Variants in NRXN3 observed in about 807,000 individuals in gnomAD.
The protein encoded by NRXN3 is neurexin 3, also known as neurexin III.
A neutral mutation model predicts 137.6 loss-of-function variants in NRXN3; 32 were observed. That is an observed-to-expected ratio of 0.23 (90% CI 0.18 to 0.31). The LOEUF (loss-of-function observed/expected upper bound fraction) is 0.31. Among genes scored for constraint, NRXN3 ranks in the 10% least tolerant of loss-of-function variants. The pLI is 1.00. For synonymous variants in NRXN3, 798 were observed against 784.5 expected, an observed-to-expected ratio of 1.02 and a Z score of -0.29; for missense variants, 1,574 against 2,062.5, an observed-to-expected ratio of 0.76 and a Z score of 4.59.
chr14:78,907,727 A>G (rs1259554872), intron 10 of NRXN3, among the ~76,000 whole-genome samples: 1 of 151,996 alleles, frequency 6.6e-6, no homozygotes, highest in Non-Finnish European at 1.5e-5. Flanking sequence ...TGTACCGATT[A>G]TTTTATCACC....
chr14:78,184,422 C>G (rs1176341953), intron 1 of NRXN3, among the ~76,000 whole-genome samples: 1 of 152,150 alleles, frequency 6.6e-6, no homozygotes, highest in Non-Finnish European at 1.5e-5. Flanking sequence ...TTTGGCATCT[C>G]AAGTCTTATG....
chr14:79,167,952 T>A (rs1265401495), intron 15 of NRXN3, among the ~76,000 whole-genome samples: 1 of 150,556 alleles, frequency 6.6e-6, no homozygotes, highest in Non-Finnish European at 1.5e-5. Context: ...TTTTTTTTTT[T>A]ACCTTCAGGA....
At chr14:79,069,699 A>C (rs770849583) in intron 15 of NRXN3, among the ~76,000 whole-genome samples, 47 of 152,290 alleles carry the variant, frequency 3.1e-4, no homozygotes, top group Admixed American at 1.3e-3. Flanking sequence ...TTGAGTCTCA[A>C]GATCTGGCCC....
At chr14:78,207,961 C>T (rs2062374307) in intron 1 of NRXN3, among the ~76,000 whole-genome samples, 1 of 152,182 alleles carries the variant, frequency 6.6e-6, no homozygotes, top group African/African-American at 2.4e-5. Context: ...TGTAAAATCT[C>T]ATTAATGTAG....
chr14:78,598,516 G>A (rs899719221), intron 4 of NRXN3, among the ~76,000 whole-genome samples: 2 of 152,254 alleles, frequency 1.3e-5, no homozygotes, highest in African/African-American at 4.8e-5. Context: ...GCGGTCGCAT[G>A]TCCATGTTTT....
At chr14:79,491,094 G>GT (rs1235896879) in intron 16 of NRXN3, among the ~76,000 whole-genome samples, 2 of 152,260 alleles carry the variant, frequency 1.3e-5, no homozygotes, top group African/African-American at 2.4e-5. Flanking sequence ...GTTTTGTTCT[G>GT]TTTTTTCTCT....
chr14:78,856,448 A>C (rs1201803247), intron 10 of NRXN3, among the ~76,000 whole-genome samples: 1 of 152,194 alleles, frequency 6.6e-6, no homozygotes, highest in Non-Finnish European at 1.5e-5. Context: ...TCTGGATTCT[A>C]AAATGTATAT....
intron 10 of NRXN3, among the ~76,000 whole-genome samples, chr14:78,901,654 A>T (rs2099196859): frequency 6.6e-6 from 1 of 151,988 alleles, no homozygotes; most frequent in African/African-American, 2.4e-5. Flanking sequence ...CAAACAAATT[A>T]ATTGTGTTAA....
intron 4 of NRXN3, among the ~76,000 whole-genome samples, chr14:78,534,346 G>A (rs947488837): frequency 1.5e-4 from 23 of 152,170 alleles, no homozygotes; most frequent in African/African-American, 4.8e-4. Flanking sequence ...GTAAGGAAGT[G>A]TCAATCACAG....
rs192857574 is a variant in NRXN3, at chr14:79,085,391, G to A, written c.3262+97250G>A. On this transcript the variant is annotated intron_variant, in intron 15 of 20. Coordinates refer to ENST00000335750, the MANE Select transcript of NRXN3 (RefSeq NM_001330195.2). ...TACTTTGATTAAAATCACTATTAAA[G>A]CTATTTGAATTATATTATAATTTTC... Among the ~76,000 whole-genome samples the A allele has an allele frequency of 8.7e-4, 132 of 152,130 alleles. 2 individuals are homozygous for A. Among genetic ancestry groups the A allele is most frequent in the African/African-American group, 3.1e-3 (129 of 41,502 alleles).
At chr14:78,794,144 G>A (rs2153058859) in intron 8 of NRXN3, among the ~76,000 whole-genome samples, 1 of 152,266 alleles carries the variant, frequency 6.6e-6, no homozygotes, top group African/African-American at 2.4e-5. Context: ...ACTTTGGGAG[G>A]CCGAGGCGGG....
At chr14:78,776,408 G>C (rs542825977) in intron 8 of NRXN3, among the ~76,000 whole-genome samples, 2 of 151,954 alleles carry the variant, frequency 1.3e-5, no homozygotes, top group African/African-American at 4.8e-5. Flanking sequence ...AAATGGTCTC[G>C]TAATTTTGTA....
At chr14:78,529,216 C>T (rs967543914) in intron 4 of NRXN3, among the ~76,000 whole-genome samples, 2 of 152,132 alleles carry the variant, frequency 1.3e-5, no homozygotes, top group African/African-American at 4.8e-5. Context: ...ACTCACCCAG[C>T]AAGTAGAAAT....
chr14:79,367,358 G>A (rs1231143058), intron 15 of NRXN3, among the ~76,000 whole-genome samples: 1 of 152,170 alleles, frequency 6.6e-6, no homozygotes, highest in African/African-American at 2.4e-5. Flanking sequence ...TTGGATGCAT[G>A]GCAGGCTGAA....
At chr14:78,879,676 G>A (rs1023586553) in intron 10 of NRXN3, among the ~76,000 whole-genome samples, 3 of 152,160 alleles carry the variant, frequency 2.0e-5, no homozygotes, top group Non-Finnish European at 4.4e-5. Context: ...TCTTGTGAAA[G>A]CTTAATTCCC....
chr14:78,902,220 C>G (rs998314726), intron 10 of NRXN3, among the ~76,000 whole-genome samples: 1 of 152,068 alleles, frequency 6.6e-6, no homozygotes, highest in African/African-American at 2.4e-5. Context: ...CGAGCGCCCC[C>G]TGATGGCAAC....
intron 15 of NRXN3, among the ~76,000 whole-genome samples, chr14:79,266,310 T>C (rs1179785234): frequency 6.6e-6 from 1 of 152,174 alleles, no homozygotes; most frequent in Non-Finnish European, 1.5e-5. Flanking sequence ...TATGATTTTT[T>C]TCATGACTTT....
chr14:79,514,992 C>G (rs59471787), intron 16 of NRXN3, among the ~76,000 whole-genome samples: 7,098 of 150,356 alleles, frequency 0.047, 782 homozygotes, highest in East Asian at 0.12. Context: ...ACACTCTAGG[C>G]AGAATTATTT....
At chr14:78,969,423 T>G (rs2153005200) in intron 14 of NRXN3, among the ~76,000 whole-genome samples, 1 of 152,352 alleles carries the variant, frequency 6.6e-6, no homozygotes, top group East Asian at 1.9e-4. Flanking sequence ...CAAGGATCTA[T>G]GTAATTATTT....
Sources: allele counts gnomAD v4.1 joint callset (sites outside exome capture counted in the v4.1 genomes callset), GRCh38; gene constraint gnomAD v4.1.1; transcripts MANE v1.5; gene names NCBI Gene and HGNC (gene_info 2026-07-23, HGNC 2026-07-21).